FBXW5: variants seen among roughly 807,000 people sequenced by gnomAD.
The protein encoded by FBXW5 is F-box/WD repeat-containing protein 5.
In FBXW5, 74 loss-of-function variants were observed where a neutral mutation model predicts 50.9. The ratio of observed to expected loss-of-function variants is 1.45; its 90% CI spans 1.20 to 1.76. FBXW5 has a LOEUF of 1.76. Among genes scored for constraint, FBXW5 ranks in the 40% most tolerant of loss-of-function variants. FBXW5 has a pLI of 0.00. For missense variants in FBXW5, 1,073 were observed against 818.8 expected (o/e 1.31, Z -3.79); for synonymous variants, 523 against 362.2 (o/e 1.44, Z -5.04).
At chr9:136,944,513 G>T in intron 1 of FBXW5, 81 bp downstream of exon 1, 1 of 984,432 alleles carries the variant, frequency 1.0e-6, no homozygotes, top group Non-Finnish European at 1.2e-6. Flanking sequence ...CGAGCGCACG[G>T]GCGGCCTCGG....
chr9:136,943,140 G>A, intron 3 of FBXW5, 197 bp from the exon 4 acceptor site: 1 of 1,035,812 alleles, frequency 9.7e-7, no homozygotes, highest in South Asian at 1.5e-5. Flanking sequence ...GCAGGCGGCT[G>A]TGTGTGGGAC....
At chr9:136,944,563 C>A in intron 1 of FBXW5, 31 bp downstream of exon 1, 1 of 983,586 alleles carries the variant, frequency 1.0e-6, no homozygotes, top group Non-Finnish European at 1.2e-6. Context: ...GACGACAAGG[C>A]GGGACCCCCG....
chr9:136,943,244 A>AGCCC, intron 3 of FBXW5, 105 bp downstream of exon 3: 2 of 727,612 alleles, frequency 2.7e-6, no homozygotes, highest in South Asian at 1.6e-5. Context: ...CTCTGGCCTG[A>AGCCC]CCCACCCCCC....
In FBXW5 at chr9:136,941,388, C is replaced by T. The variant is rs143868121; in HGVS notation, c.1320G>A (p.Ala440=). The T allele has an allele frequency of 4.0e-4, 642 of 1,611,464 alleles. 4 individuals carry two copies. In the African/African-American group the frequency reaches 7.4e-3, roughly 19 times the overall value. ...CGAACACCAGCAGGTCAATCTCCTCCGCGATTGGTGGCGGCTGCATGGGGT... is the reference window on the plus strand; with the variant it reads ...CGAACACCAGCAGGTCAATCTCCTCTGCGATTGGTGGCGGCTGCATGGGGT... ...VADPMQPPPI[A]EEIDLLVFDL... Residue 440 remains alanine, a synonymous_variant, in exon 8 of 9, where the codon GCG becomes GCA. Transcript: ENST00000325285.
In FBXW5 at chr9:136,941,474, G is replaced by A. The variant is rs368712198; in HGVS notation, c.1245-11C>T. 4.2e-5 allele frequency: 68 copies of A among 1,606,276 alleles called. 2 individuals carry two copies. The highest frequency in any genetic ancestry group is 3.5e-4 in the African/African-American group (26 of 74,954). On this transcript the variant is annotated splice_polypyrimidine_tract_variant and intron_variant, in intron 7 of 8. Coordinates refer to ENST00000325285, the MANE Select transcript of FBXW5 (RefSeq NM_018998.4). The stretch of plus-strand genomic sequence containing the variant: ...TTCACGTACAGGTACCTGGGCGAGG[G>A]GCACTGTGCTAGGTGTGGGCCGCCT...
intron 1 of FBXW5, 146 bp from the exon 2 acceptor site, chr9:136,944,252 C>T (rs1229526462): frequency 3.2e-6 from 3 of 936,340 alleles, no homozygotes; most frequent in Non-Finnish European, 4.5e-6. Flanking sequence ...GCCGCCCAAC[C>T]AAGGACCCGG....
chr9:136,943,611 G>A (rs982819706), intron 2 of FBXW5, 105 bp from the exon 3 acceptor site: 1 of 1,428,770 alleles, frequency 7.0e-7, no homozygotes, highest in Non-Finnish European at 9.4e-7. Context: ...GGTGCCCCTG[G>A]AACCCACTAG....
In FBXW5 at chr9:136,942,562, G is replaced by C; in HGVS notation, c.660C>G (p.Leu220=). ...CCGCACGCACCTGGAAGGCATTGTTGAGCCACAGCACCGAGCAGGAGGTGA... is the reference window on the plus strand; with the variant it reads ...CCGCACGCACCTGGAAGGCATTGTTCAGCCACAGCACCGAGCAGGAGGTGA... The part of the protein sequence containing the change: ...GDITSCSVLW[L]NNAFQDVESE... Residue 220 remains leucine (L), a synonymous_variant, in exon 5 of 9, where the codon CTC becomes CTG. Transcript: ENST00000325285. The C allele has an allele frequency of 6.2e-7, 1 of 1,611,662 alleles. No homozygotes were observed. Among genetic ancestry groups the C allele is most frequent in the Non-Finnish European group, 8.5e-7 (1 of 1,179,304 alleles).
rs765600994 is a variant in FBXW5, at chr9:136,941,107, G to A, written c.1522C>T (p.Arg508Trp). The change falls in exon 9 of 9, where the codon CGG becomes TGG. Residue 508 changes from arginine to tryptophan, a missense_variant. Transcript: ENST00000325285. ...ACTGAGTTGACCACATCCTCGTGCC[G>A]CAGCCTGGCCAGACAGATGTTGTAG... ...RHYNICLARLRHEDVVNSVVF... is the reference protein window; with the variant it reads ...RHYNICLARLWHEDVVNSVVF... 9.8e-5 allele frequency: 155 copies of A among 1,589,536 alleles called. No individual in the cohort carries two copies. The highest frequency in any genetic ancestry group is 1.2e-4 in the Non-Finnish European group (142 of 1,168,354).
In FBXW5 at chr9:136,940,914, G is replaced by A. The variant is rs1296593571; in HGVS notation, c.*14C>T. ...CTCAAGGGGTCCCGGTGGCTCCAGT[G>A]CACCCAGCACACCTCAGCGCCTCTG... On this transcript the variant is annotated 3_prime_UTR_variant, in exon 9 of 9. Transcript: ENST00000325285. 3.2e-6 allele frequency: 5 copies of A among 1,575,712 alleles called. No homozygotes were observed. The highest frequency in any genetic ancestry group is 2.3e-5 in the East Asian group (1 of 43,268).
chr9:136,941,477 A>G lies in FBXW5; in HGVS notation c.1245-14T>C. On this transcript the variant is annotated splice_polypyrimidine_tract_variant and intron_variant, in intron 7 of 8. Coordinates refer to ENST00000325285, the MANE Select transcript of FBXW5 (RefSeq NM_018998.4). ...ACGTACAGGTACCTGGGCGAGGGGC[A>G]CTGTGCTAGGTGTGGGCCGCCTGCG... The G allele has an allele frequency of 6.2e-7, 1 of 1,606,426 alleles. No homozygotes were observed. The highest frequency in any genetic ancestry group is 2.2e-5 in the East Asian group (1 of 44,870).
Position 136,941,315 on chromosome 9 carries a change from C to A in FBXW5, c.1393G>T (p.Ala465Ser), listed in dbSNP as rs1315176937. 6.2e-7 allele frequency: 1 copy of A among 1,609,286 alleles called. No homozygotes were observed. The highest frequency in any genetic ancestry group is 2.2e-5 in the East Asian group (1 of 44,786). ...AAGCACTCGTCGTTGGGCGTGTAGG[C>A]GCGGTGCGCACGCAGAGCCCGCCTC... is the stretch of plus-strand genomic sequence containing the variant. ...EVRRALRAHR[A>S]YTPNDECFFI... is the part of the protein sequence containing the mutation. The change falls in exon 8 of 9, where the codon GCC becomes TCC. Residue 465 changes from alanine to serine, a missense_variant. Ala to Ser is a moderately conservative substitution (Grantham distance 99). Coordinates refer to ENST00000325285, the MANE Select transcript of FBXW5 (RefSeq NM_018998.4).
In FBXW5 at chr9:136,941,458, A is replaced by G; in HGVS notation, c.1250T>C (p.Leu417Pro). 3.1e-6 allele frequency: 5 copies of G among 1,607,138 alleles called. No individual in the cohort carries two copies. In the South Asian group the frequency reaches 5.5e-5, roughly 18 times the overall value. ...GMGLSPDNRY[L>P]YVNSRAWPNG... ...GGGCCAGGCGCGGCTGTTCACGTAC[A>G]GGTACCTGGGCGAGGGGCACTGTGC... is the stretch of plus-strand genomic sequence containing the variant. The change falls in exon 8 of 9, where the codon CTG becomes CCG. Residue 417 changes from leucine to proline, a missense_variant. Leu to Pro is a moderately conservative substitution (Grantham distance 98). Transcript: ENST00000325285.
intron 1 of FBXW5, 183 bp from the exon 2 acceptor site, chr9:136,944,289 C>G: frequency 1.4e-6 from 1 of 704,030 alleles, no homozygotes; most frequent in Non-Finnish European, 2.0e-6. Flanking sequence ...GGGCCGGCCC[C>G]TCTCCGCCGC....
rs1273738242 is a variant in FBXW5, at chr9:136,942,621, G to C, written c.601C>G (p.Leu201Val). Residue 201 changes from leucine (L) to valine (V), a missense_variant, in exon 5 of 9, where the codon CTC (leucine) becomes GTC (valine). Physicochemically the swap from Leu to Val is conservative, Grantham distance 32. Coordinates refer to ENST00000325285, the MANE Select transcript of FBXW5 (RefSeq NM_018998.4). ...VFGCWLTETS[L>V]ISGNLHRIGD... ...ATGCGGTGCAGGTTCCCCGAGATGAGGCTGGTCTCGGTGAGCCAACAGCCA... is the reference window on the plus strand; with the variant it reads ...ATGCGGTGCAGGTTCCCCGAGATGACGCTGGTCTCGGTGAGCCAACAGCCA... The C allele has an allele frequency of 6.2e-7, 1 of 1,610,124 alleles. No individual in the cohort carries two copies. The highest frequency in any genetic ancestry group is 8.5e-7 in the Non-Finnish European group (1 of 1,178,840).
rs1388555240 is a variant in FBXW5 at position 136,941,233 on chromosome 9, C to T, written c.1457+18G>A. The T allele has an allele frequency of 1.2e-6, 2 of 1,601,074 alleles. No individual in the cohort carries two copies. The highest frequency in any genetic ancestry group is 1.7e-6 in the Non-Finnish European group (2 of 1,178,036). On this transcript the variant is annotated intron_variant, in intron 8 of 8. Transcript: ENST00000325285. The stretch of plus-strand genomic sequence containing the variant: ...CGCTGCTGCCCACACCCGCCCTGCA[C>T]CACGCCGCGCCCTGCACCTGGCCAC...
At chr9:136,941,507 C>A in intron 7 of FBXW5, 30 bp downstream of exon 7, 1 of 1,605,710 alleles carries the variant, frequency 6.2e-7, no homozygotes, top group Non-Finnish European at 8.5e-7. Flanking sequence ...CCTGCGGGCA[C>A]CCCGCCTGGG....
rs754704316 is a variant in FBXW5 at position 136,943,542 on chromosome 9, C to G, written c.194-36G>C. The G allele has an allele frequency of 1.7e-5, 27 of 1,582,888 alleles. No individual in the cohort carries two copies. The African/African-American group carries it at 3.2e-4, about 19-fold the overall frequency. On this transcript the variant is annotated intron_variant, in intron 2 of 8. Transcript: ENST00000325285. ...GCAGTTGTCAGTCCTGGGCCCGGGCCTTCCTCGCAGTCACGGCCATGAGCC... is the reference window on the plus strand; with the variant it reads ...GCAGTTGTCAGTCCTGGGCCCGGGCGTTCCTCGCAGTCACGGCCATGAGCC...
At position 136,940,671 on chromosome 9, in the gene FBXW5, G is replaced by A. The variant is rs1405277498; in HGVS notation, c.*257C>T. Reference sequence around the variant, plus strand: ...CCTAGCCTGGGGTTGAGTGAGGAGCGGCACCCCCAGTATCCTGTGTACCCC... The same window carrying A: ...CCTAGCCTGGGGTTGAGTGAGGAGCAGCACCCCCAGTATCCTGTGTACCCC... On this transcript the variant is annotated 3_prime_UTR_variant, in exon 9 of 9. Coordinates refer to ENST00000325285, the MANE Select transcript of FBXW5 (RefSeq NM_018998.4). 5 of 539,046 alleles carry A rather than the reference G, an allele frequency of 9.3e-6. No individual in the cohort carries two copies. The highest frequency in any genetic ancestry group is 1.9e-5 in the African/African-American group (1 of 52,452). The allele number at this position is 539,046 out of a possible 1,614,324, so 33.4% of individuals were successfully genotyped here.
Sources: allele counts gnomAD v4.1 joint callset, GRCh38; gene constraint gnomAD v4.1.1; transcripts MANE v1.5; gene names NCBI Gene and HGNC (gene_info 2026-07-23, HGNC 2026-07-21).